CENPU: variants seen among roughly 807,000 people sequenced by gnomAD.
CENPU encodes centromere protein U.
CENPU carries 46 observed loss-of-function variants against 56.7 expected under a neutral mutation model. That is an observed-to-expected ratio of 0.81 (90% CI 0.64 to 1.04). The LOEUF (loss-of-function observed/expected upper bound fraction) is 1.04. Ranked by LOEUF, CENPU falls within the 50% of genes least tolerant of loss-of-function variation. The probability of loss-of-function intolerance (pLI) is 0.00; values close to 1 mark genes in which losing one functional copy is unlikely to be tolerated. For synonymous variants in CENPU, 166 were observed against 163.0 expected, an observed-to-expected ratio of 1.02 and a Z score of -0.14; for missense variants, 510 against 490.1, an observed-to-expected ratio of 1.04 and a Z score of -0.38.
At chr4:184,730,740 A>C (rs1761610774) in intron 2 of CENPU, among the ~76,000 whole-genome samples, 180 bp downstream of exon 2, 1 of 152,168 alleles carries the variant, frequency 6.6e-6, no homozygotes, top group African/African-American at 2.4e-5. Context: ...GGAAATTCTA[A>C]AACATTAACA....
chr4:184,720,517 C>G (rs946824404), intron 4 of CENPU, among the ~76,000 whole-genome samples: 3 of 152,098 alleles, frequency 2.0e-5, no homozygotes, highest in African/African-American at 7.2e-5. Flanking sequence ...GTATCAATAT[C>G]CAAGTACAAG....
intron 6 of CENPU, among the ~76,000 whole-genome samples, chr4:184,713,295 G>C (rs1760984470): frequency 6.6e-6 from 1 of 152,202 alleles, no homozygotes; most frequent in Admixed American, 6.5e-5. Flanking sequence ...GGAGGCTGAG[G>C]CAGGAGAATT....
intron 8 of CENPU, among the ~76,000 whole-genome samples, chr4:184,708,513 A>G (rs1760806455): frequency 6.6e-6 from 1 of 151,348 alleles, no homozygotes; most frequent in African/African-American, 2.4e-5. Context: ...CAGACTCAAT[A>G]TAGTGAAATT....
chr4:184,702,723 GTC>G (rs1760578393), intron 8 of CENPU, among the ~76,000 whole-genome samples: 1 of 152,122 alleles, frequency 6.6e-6, no homozygotes, highest in Admixed American at 6.5e-5. Context: ...GAATCCCTCT[GTC>G]TCTCTTCCCT....
chr4:184,699,708 T>TG (rs1561127424), intron 11 of CENPU: 2 of 922,282 alleles, frequency 2.2e-6, no homozygotes, highest in Non-Finnish European at 3.0e-6. Flanking sequence ...TCACCCAGGC[T>TG]GGAGTGCACT....
chr4:184,701,173 A>C (rs7674952), intron 10 of CENPU, among the ~76,000 whole-genome samples: 27,353 of 152,122 alleles, frequency 0.18, 2,786 homozygotes, highest in African/African-American at 0.27. Flanking sequence ...TGTGACCTGT[A>C]AAGTGAGGAG....
chr4:184,722,344 C>A (rs1389643642), intron 4 of CENPU, among the ~76,000 whole-genome samples: 1 of 151,936 alleles, frequency 6.6e-6, no homozygotes, highest in Non-Finnish European at 1.5e-5. Context: ...AAAGCAAGAA[C>A]AAACCAAATC....
chr4:184,698,004 A>T, intron 11 of CENPU: 1 of 523,064 alleles, frequency 1.9e-6, no homozygotes, highest in Non-Finnish European at 3.4e-6. Context: ...TACAATGCAC[A>T]ATGAATAATT....
intron 8 of CENPU, 172 bp from the exon 9 acceptor site, chr4:184,702,613 T>C: frequency 2.1e-6 from 1 of 485,696 alleles, no homozygotes; most frequent in African/African-American, 2.0e-5. Flanking sequence ...ATTAAGGGGT[T>C]TGTTATATGG....
At chr4:184,695,506 AACT>A in intron 12 of CENPU, 105 bp from the exon 13 acceptor site, 1 of 684,446 alleles carries the variant, frequency 1.5e-6, no homozygotes, top group South Asian at 1.6e-5. Flanking sequence ...GCTTTCCATT[AACT>A]ACTCCTCCTC....
intron 4 of CENPU, among the ~76,000 whole-genome samples, chr4:184,722,135 G>A (rs763430685): frequency 6.6e-6 from 1 of 151,988 alleles, no homozygotes; most frequent in Non-Finnish European, 1.5e-5. Flanking sequence ...CGTTAATGAA[G>A]GACCAGTGGG....
chr4:184,711,559 GCTCCCCACTAGC>G (rs1760926559), intron 7 of CENPU, among the ~76,000 whole-genome samples: 1 of 151,924 alleles, frequency 6.6e-6, no homozygotes, highest in African/African-American at 2.4e-5. Context: ...CCTCTCCCCT[GCTCCCCACTAGC>G]CTCCCCTAAC....
intron 6 of CENPU, 102 bp from the exon 7 acceptor site, chr4:184,713,115 G>A (rs963992853): frequency 1.1e-5 from 8 of 713,718 alleles, no homozygotes; most frequent in South Asian, 1.7e-5. Context: ...TTTTAGCTGC[G>A]CACAGTGGCA....
intron 8 of CENPU, among the ~76,000 whole-genome samples, chr4:184,708,222 C>CAAAA (rs11322939): frequency 4.5e-5 from 4 of 89,832 alleles, no homozygotes; most frequent in African/African-American, 8.0e-5. Context: ...GACTCCATCT[C>CAAAA]AAAAAAAAAA....
chr4:184,711,819 A>C (rs773157789), intron 7 of CENPU, among the ~76,000 whole-genome samples: 15 of 152,196 alleles, frequency 9.9e-5, no homozygotes, highest in Non-Finnish European at 1.6e-4. Flanking sequence ...TTCGCAAAAA[A>C]ATGTGTATAA....
rs946294700 is a variant in CENPU, at chr4:184,729,247, C to G, written c.97-212G>C. On this transcript the variant is annotated intron_variant, in intron 2 of 12. Coordinates refer to ENST00000281453, the MANE Select transcript of CENPU (RefSeq NM_024629.4). ...CAGACCCCACAAATGTGTACAATTA[C>G]AATGTTTCAGTTAAAATAAAAAGAA... 3.9e-5 allele frequency among the ~76,000 whole-genome samples: 6 copies of G among 152,264 alleles called. No homozygotes were observed. In the South Asian group the frequency reaches 1.2e-3, roughly 31 times the overall value.
At chr4:184,709,775 T>C (rs878970792) in intron 8 of CENPU, among the ~76,000 whole-genome samples, 3 of 149,404 alleles carry the variant, frequency 2.0e-5, no homozygotes, top group Non-Finnish European at 3.0e-5. Context: ...TACCAGGTCA[T>C]GAAGAAAGCC....
intron 3 of CENPU, 80 bp from the exon 4 acceptor site, chr4:184,725,142 A>G (rs1255389847): frequency 4.1e-6 from 3 of 737,702 alleles, no homozygotes; most frequent in African/African-American, 1.8e-5. Context: ...CTTACAATGG[A>G]GTACAAAACA....
At chr4:184,695,616 T>C (rs1387850041) in intron 12 of CENPU, among the ~76,000 whole-genome samples, 1 of 152,178 alleles carries the variant, frequency 6.6e-6, no homozygotes, top group African/African-American at 2.4e-5. Flanking sequence ...TCTGCAAAGC[T>C]TGAACTGATC....
Sources: gnomAD v4.1 joint callset for allele counts (sites outside exome capture counted in the v4.1 genomes callset) on GRCh38, gnomAD v4.1.1 for gene constraint, MANE v1.5 for transcripts, NCBI Gene and HGNC (gene_info 2026-07-23, HGNC 2026-07-21) for gene names.